TSHR: variants seen among roughly 807,000 people sequenced by gnomAD.
TSHR encodes the protein thyrotropin receptor.
Under a neutral mutation model 64.1 loss-of-function variants are expected in TSHR, and 51 were observed. The ratio of observed to expected loss-of-function variants is 0.80; its 90% CI spans 0.64 to 1.01. The LOEUF (loss-of-function observed/expected upper bound fraction) is 1.01. Among genes scored for constraint, TSHR ranks in the 50% least tolerant of loss-of-function variants. The probability of loss-of-function intolerance (pLI) is 0.00; values close to 1 mark genes in which losing one functional copy is unlikely to be tolerated. For missense variants in TSHR, 877 were observed against 942.8 expected (o/e 0.93, Z 0.91); for synonymous variants, 361 against 361.9 (o/e 1.00, Z 0.03).
At chr14:81,123,032 C>A (rs1890870038) in intron 8 of TSHR, among the ~76,000 whole-genome samples, 1 of 151,950 alleles carries the variant, frequency 6.6e-6, no homozygotes, top group Non-Finnish European at 1.5e-5. Context: ...GAGGTTGAGG[C>A]ACGAGAATCG....
chr14:80,959,849 TC>T (rs1157379931), intron 1 of TSHR, among the ~76,000 whole-genome samples: 1 of 152,256 alleles, frequency 6.6e-6, no homozygotes, highest in East Asian at 1.9e-4. Context: ...TACCCTGTGT[TC>T]CATCTGTGCT....
chr14:81,046,640 A>C (rs1482413777), intron 1 of TSHR, among the ~76,000 whole-genome samples: 1 of 152,072 alleles, frequency 6.6e-6, no homozygotes. Flanking sequence ...ATAAAGAAAA[A>C]TTTTAATGCA....
At chr14:81,059,439 G>A (rs769465355) in intron 1 of TSHR, among the ~76,000 whole-genome samples, 5 of 152,004 alleles carry the variant, frequency 3.3e-5, no homozygotes, top group East Asian at 1.9e-4. Flanking sequence ...TAGATTATGC[G>A]CACATTACTA....
At chr14:81,099,998 T>C (rs1566813678) in intron 7 of TSHR, among the ~76,000 whole-genome samples, 1 of 152,222 alleles carries the variant, frequency 6.6e-6, no homozygotes, top group Non-Finnish European at 1.5e-5. Context: ...AGACATTTTC[T>C]ATTGAAAGGA....
At chr14:80,996,577 AC>A (rs1889033289) in intron 1 of TSHR, among the ~76,000 whole-genome samples, 1 of 116,234 alleles carries the variant, frequency 8.6e-6, no homozygotes, top group Admixed American at 1.0e-4. Flanking sequence ...GAACTCCCGC[AC>A]ATTGAGATCT....
rs769789035 is a variant in TSHR at position 81,108,399 on chromosome 14, G to C, written c.639G>C (p.Leu213=). The C allele has an allele frequency of 6.2e-7, 1 of 1,612,982 alleles. No homozygotes were observed. Among genetic ancestry groups the C allele is most frequent in the Non-Finnish European group, 8.5e-7 (1 of 1,179,740 alleles). ...DAVYLNKNKY[L]TVIDKDAFGG... ...GTTACCTAAACAAGAATAAATACCT[G>C]ACAGTTATTGACAAAGATGCATTTG... is the stretch of plus-strand genomic sequence containing the variant. Residue 213 remains leucine, a synonymous_variant, in exon 8 of 10, where the codon CTG becomes CTC. Transcript: ENST00000298171.
At chr14:80,977,605 C>G (rs1887945369) in intron 1 of TSHR, among the ~76,000 whole-genome samples, 1 of 152,152 alleles carries the variant, frequency 6.6e-6, no homozygotes, top group Non-Finnish European at 1.5e-5. Context: ...GAAGGCTTGC[C>G]ACAAACTCCA....
chr14:81,067,927 C>A (rs1209917830), intron 2 of TSHR, among the ~76,000 whole-genome samples: 22 of 95,780 alleles, frequency 2.3e-4, no homozygotes, highest in African/African-American at 1.1e-3. Context: ...CAGGGTGACA[C>A]TATATATATA....
intron 3 of TSHR, among the ~76,000 whole-genome samples, chr14:81,077,148 T>C (rs1887563746): frequency 6.6e-6 from 1 of 152,206 alleles, no homozygotes; most frequent in Non-Finnish European, 1.5e-5. Context: ...CCCATTTGAA[T>C]CTATCCTTGA....
rs148587482 is a variant in TSHR, at chr14:81,054,699, G to A, written c.171-7449G>A. Among the ~76,000 whole-genome samples, 260 of 152,118 alleles carry A rather than the reference G, an allele frequency of 1.7e-3. 1 individual carries two copies. The highest frequency in any genetic ancestry group is 0.01 in the Middle Eastern group (3 of 294). Reference sequence around the variant, plus strand: ...TTTTGCCCTTGCCCTGGAGATTTGTGGAACTTTGAACTTGAGAGAGATGAT... The same window carrying A: ...TTTTGCCCTTGCCCTGGAGATTTGTAGAACTTTGAACTTGAGAGAGATGAT... On this transcript the variant is annotated intron_variant, in intron 1 of 9. Transcript: ENST00000298171.
chr14:81,000,344 T>A (rs749196654), intron 1 of TSHR, among the ~76,000 whole-genome samples: 2 of 152,162 alleles, frequency 1.3e-5, no homozygotes, highest in Admixed American at 1.3e-4. Flanking sequence ...TCTAGCACGA[T>A]GTTTAACAAT....
intron 1 of TSHR, among the ~76,000 whole-genome samples, chr14:80,978,244 T>C (rs2160214): frequency 0.17 from 25,363 of 152,156 alleles, 2,427 homozygotes; most frequent in East Asian, 0.44. Flanking sequence ...GCTGCCACCC[T>C]GTGCCAGAGA....
chr14:80,999,661 A>C (rs535662489), intron 1 of TSHR, among the ~76,000 whole-genome samples: 108 of 152,266 alleles, frequency 7.1e-4, no homozygotes, highest in African/African-American at 2.4e-3. Context: ...TGATTTGCCA[A>C]CTCGTTCTCT....
chr14:81,034,862 G>T (rs1411320752), intron 1 of TSHR, among the ~76,000 whole-genome samples: 1 of 152,040 alleles, frequency 6.6e-6, no homozygotes, highest in Non-Finnish European at 1.5e-5. Flanking sequence ...CCAGATGAAG[G>T]GTTTGTAACT....
chr14:81,122,655 G>A (rs963072498), intron 8 of TSHR, among the ~76,000 whole-genome samples: 6 of 151,954 alleles, frequency 3.9e-5, no homozygotes, highest in Middle Eastern at 3.2e-3. Flanking sequence ...GAGAGTTAGC[G>A]GATAAAACCT....
Position 81,109,132 on chromosome 14 carries a change from G to A in TSHR, c.692+680G>A, listed in dbSNP as rs74471217. ...TCCTTGCCAAAGTGGATCACAGGCC[G>A]GGCACAGTGTCTCACACCTGTAATC... On this transcript the variant is annotated intron_variant, in intron 8 of 9. Transcript: ENST00000298171. 6.5e-4 allele frequency among the ~76,000 whole-genome samples: 99 copies of A among 152,162 alleles called. 1 individual carries two copies. The highest frequency in any genetic ancestry group is 4.5e-3 in the East Asian group (23 of 5,158).
intron 1 of TSHR, among the ~76,000 whole-genome samples, chr14:81,034,767 T>G (rs918161424): frequency 4.6e-5 from 7 of 152,210 alleles, no homozygotes; most frequent in Admixed American, 3.9e-4. Context: ...AATTGTCCTA[T>G]GACAGAAACA....
chr14:80,966,415 C>T (rs1555367529), intron 1 of TSHR, among the ~76,000 whole-genome samples: 1 of 152,096 alleles, frequency 6.6e-6, no homozygotes, highest in Non-Finnish European at 1.5e-5. Flanking sequence ...ACCAGAAATA[C>T]TACCTCTAGA....
intron 1 of TSHR, chr14:81,053,734 G>A (rs955144128): frequency 1.3e-5 from 2 of 152,176 alleles, no homozygotes; most frequent in African/African-American, 4.8e-5. Flanking sequence ...CAATGAGTAT[G>A]TGTGTCCATA....
Sources: gnomAD v4.1 joint callset for allele counts (sites outside exome capture counted in the v4.1 genomes callset) on GRCh38, gnomAD v4.1.1 for gene constraint, MANE v1.5 for transcripts, NCBI Gene and HGNC (gene_info 2026-07-23, HGNC 2026-07-21) for gene names.